The following TMEM131 variants were observed in gnomAD, a reference collection of about 807,000 sequenced individuals.
TMEM131 encodes the protein transmembrane protein 131.
TMEM131 carries 66 observed loss-of-function variants against 211.6 expected under a neutral mutation model. That is an observed-to-expected ratio of 0.31 (90% CI 0.26 to 0.38). The LOEUF (loss-of-function observed/expected upper bound fraction) is 0.38. TMEM131 is among the 10% of genes least tolerant of loss of function. TMEM131 has a pLI of 1.00. For synonymous variants in TMEM131, 844 were observed against 841.3 expected, an observed-to-expected ratio of 1.00 and a Z score of -0.06; for missense variants, 2,036 against 2,299.3, an observed-to-expected ratio of 0.89 and a Z score of 2.34.
In TMEM131 at chr2:97,912,152, G is replaced by A. The variant is rs114886685; in HGVS notation, c.250-3454C>T. On this transcript the variant is annotated intron_variant, in intron 2 of 40. Transcript: ENST00000186436. ...ATAAGGATAAAAACAGGCAAATAAG[G>A]ATTACAACATTAATAACTTTACAAT... Among the ~76,000 whole-genome samples the A allele has an allele frequency of 4.8e-3, 731 of 152,128 alleles. 1 individual carries two copies. The highest frequency in any genetic ancestry group is 8.5e-3 in the Non-Finnish European group (575 of 67,980).
At chr2:97,779,206 A>G (rs1183077482) in intron 31 of TMEM131, among the ~76,000 whole-genome samples, 1 of 152,176 alleles carries the variant, frequency 6.6e-6, no homozygotes, top group Non-Finnish European at 1.5e-5. Context: ...CCAGGCTAGG[A>G]GCTACTTCAG....
intron 22 of TMEM131, 30 bp downstream of exon 22, chr2:97,805,058 G>T: frequency 7.0e-7 from 1 of 1,428,006 alleles, no homozygotes; most frequent in Non-Finnish European, 9.6e-7. Context: ...TTGTAAAGAT[G>T]GCTAAAATAA....
At chr2:97,758,286 G>A (rs1273885108) in intron 40 of TMEM131, among the ~76,000 whole-genome samples, 1 of 152,198 alleles carries the variant, frequency 6.6e-6, no homozygotes, top group Non-Finnish European at 1.5e-5. Context: ...GTTTCTCTGA[G>A]AACAAAGAGG....
chr2:97,845,596 A>G (rs528735461), intron 5 of TMEM131, among the ~76,000 whole-genome samples: 1 of 152,370 alleles, frequency 6.6e-6, no homozygotes, highest in East Asian at 1.9e-4. Context: ...AATACTTGGA[A>G]GAAAATTTAT....
chr2:97,783,287 G>A (rs2104848216), intron 31 of TMEM131, among the ~76,000 whole-genome samples: 1 of 152,054 alleles, frequency 6.6e-6, no homozygotes, highest in Non-Finnish European at 1.5e-5. Flanking sequence ...ATATCCAACA[G>A]ACCTACCCTA....
intron 4 of TMEM131, among the ~76,000 whole-genome samples, chr2:97,880,539 T>C (rs537725146): frequency 1.1e-4 from 16 of 152,194 alleles, no homozygotes; most frequent in African/African-American, 3.4e-4. Context: ...CTTCCTGGAA[T>C]GGATTTGACA....
intron 3 of TMEM131, among the ~76,000 whole-genome samples, chr2:97,896,368 C>G (rs1342589302): frequency 1.3e-5 from 2 of 152,058 alleles, no homozygotes; most frequent in Non-Finnish European, 1.5e-5. Flanking sequence ...CTGCAGATGT[C>G]TATTAGGTTT....
intron 33 of TMEM131, among the ~76,000 whole-genome samples, chr2:97,768,869 T>G (rs1679322555): frequency 7.0e-6 from 1 of 142,966 alleles, no homozygotes; most frequent in African/African-American, 2.5e-5. Context: ...GGGATTACAG[T>G]GGGATTACAG....
intron 1 of TMEM131, among the ~76,000 whole-genome samples, chr2:97,988,310 CA>C (rs1229607883): frequency 6.6e-6 from 1 of 152,030 alleles, no homozygotes; most frequent in Non-Finnish European, 1.5e-5. Flanking sequence ...AAAGTTAACT[CA>C]AAATGGGTTA....
intron 1 of TMEM131, among the ~76,000 whole-genome samples, chr2:97,954,865 C>A (rs1678494485): frequency 6.7e-6 from 1 of 149,936 alleles, no homozygotes; most frequent in African/African-American, 2.4e-5. Context: ...AAGAAATTCC[C>A]AGGCCAAAAT....
At chr2:97,817,742 C>T (rs940480246) in intron 12 of TMEM131, among the ~76,000 whole-genome samples, 90 of 152,200 alleles carry the variant, frequency 5.9e-4, no homozygotes, top group African/African-American at 2.1e-3. Flanking sequence ...GGCATAGATA[C>T]TCTCATAAAC....
At chr2:97,954,371 G>A (rs1216563987) in intron 1 of TMEM131, among the ~76,000 whole-genome samples, 1 of 152,192 alleles carries the variant, frequency 6.6e-6, no homozygotes, top group African/African-American at 2.4e-5. Context: ...GGCATAGAAT[G>A]AATAACTTTA....
At chr2:97,994,498 A>G (rs1368786649) in intron 1 of TMEM131, among the ~76,000 whole-genome samples, 1 of 152,270 alleles carries the variant, frequency 6.6e-6, no homozygotes, top group Non-Finnish European at 1.5e-5. Context: ...GACTTTAGTC[A>G]TAAAGTAGAA....
intron 1 of TMEM131, among the ~76,000 whole-genome samples, chr2:97,937,480 T>C (rs1364229626): frequency 6.6e-6 from 1 of 152,200 alleles, no homozygotes; most frequent in Non-Finnish European, 1.5e-5. Flanking sequence ...GCATGAAGAA[T>C]ATTTGAAGAA....
chr2:97,806,544 C>G (rs989340957), intron 19 of TMEM131, among the ~76,000 whole-genome samples: 1 of 152,048 alleles, frequency 6.6e-6, no homozygotes, highest in Non-Finnish European at 1.5e-5. Flanking sequence ...CCATCTCAAA[C>G]AAACAAACAA....
At chr2:97,833,656 T>A (rs1682812860) in intron 10 of TMEM131, among the ~76,000 whole-genome samples, 3 of 12,482 alleles carry the variant, frequency 2.4e-4, no homozygotes, top group African/African-American at 1.3e-3. Context: ...AATATATACT[T>A]TTTTTTTTTT....
intron 1 of TMEM131, among the ~76,000 whole-genome samples, chr2:97,975,377 C>G (rs1679484749): frequency 6.6e-6 from 1 of 151,844 alleles, no homozygotes; most frequent in Non-Finnish European, 1.5e-5. Flanking sequence ...AAACTTGTAG[C>G]CAGTCTGATC....
intron 1 of TMEM131, among the ~76,000 whole-genome samples, chr2:97,934,012 A>C (rs1184659143): frequency 2.6e-5 from 4 of 152,110 alleles, no homozygotes; most frequent in African/African-American, 9.7e-5. Context: ...ATGTGCTAGA[A>C]GTTCTGGCCA....
chr2:97,922,932 T>C (rs1441336679), intron 2 of TMEM131, among the ~76,000 whole-genome samples: 1 of 152,204 alleles, frequency 6.6e-6, no homozygotes, highest in East Asian at 1.9e-4. Context: ...ATCAAAATCG[T>C]ATACTCTTTG....
Sources: allele counts gnomAD v4.1 joint callset (sites outside exome capture counted in the v4.1 genomes callset), GRCh38; gene constraint gnomAD v4.1.1; transcripts MANE v1.5; gene names NCBI Gene and HGNC (gene_info 2026-07-23, HGNC 2026-07-21).